MARCHF6: variants seen among roughly 807,000 people sequenced by gnomAD.
The protein encoded by MARCHF6 is E3 ubiquitin-protein ligase MARCHF6.
MARCHF6 carries 31 observed loss-of-function variants against 133.7 expected under a neutral mutation model. The observed-to-expected ratio is 0.23, with a 90% CI of 0.17 to 0.31. The LOEUF (loss-of-function observed/expected upper bound fraction) is 0.31, where lower values mean the gene tolerates loss of function less well. Ranked by LOEUF, MARCHF6 falls within the 10% of genes least tolerant of loss-of-function variation. MARCHF6 has a pLI of 1.00. For missense variants in MARCHF6, 723 were observed against 1,121.6 expected (o/e 0.64, Z 5.08); for synonymous variants, 395 against 402.5 (o/e 0.98, Z 0.22).
intron 21 of MARCHF6, among the ~76,000 whole-genome samples, chr5:10,416,641 G>A (rs1401615206): frequency 2.0e-5 from 3 of 152,148 alleles, no homozygotes; most frequent in Admixed American, 1.3e-4. Flanking sequence ...AAGTAAAAGA[G>A]AGGTCATGAG....
intron 3 of MARCHF6, among the ~76,000 whole-genome samples, chr5:10,380,401 GACTA>G (rs1052937504): frequency 1.3e-5 from 2 of 152,122 alleles, no homozygotes; most frequent in Non-Finnish European, 2.9e-5. Context: ...AGGAAACTAA[GACTA>G]ACTAGTTGAG....
intron 12 of MARCHF6, 74 bp from the exon 13 acceptor site, chr5:10,402,310 T>C: frequency 7.4e-7 from 1 of 1,354,704 alleles, no homozygotes; most frequent in South Asian, 1.2e-5. Context: ...CAAAAAATAC[T>C]AAATGTTGGC....
chr5:10,382,987 T>C (rs1052252881), intron 4 of MARCHF6, among the ~76,000 whole-genome samples: 6 of 152,116 alleles, frequency 3.9e-5, no homozygotes, highest in African/African-American at 1.4e-4. Flanking sequence ...GTTGTTCTTA[T>C]AGACATGGAG....
At position 10,434,408 on chromosome 5, in the gene MARCHF6, A is replaced by T. The variant is rs1031805242; in HGVS notation, c.*724A>T. On this transcript the variant is annotated 3_prime_UTR_variant, in exon 26 of 26. Coordinates refer to ENST00000274140, the MANE Select transcript of MARCHF6 (RefSeq NM_005885.4). ...TATTCCTAGTGTGATCAGCATTGGGAGTTGGGTTTCAGTGGGGCATGTCTA... is the reference window on the plus strand; with the variant it reads ...TATTCCTAGTGTGATCAGCATTGGGTGTTGGGTTTCAGTGGGGCATGTCTA... The T allele has an allele frequency of 1.3e-5, 2 of 152,590 alleles. No homozygotes were observed. Among genetic ancestry groups the T allele is most frequent in the Admixed American group, 6.5e-5 (1 of 15,276 alleles). The allele number at this position is 152,590 out of a possible 1,614,324, so 9.5% of individuals were successfully genotyped here.
chr5:10,428,319 C>A (rs991212293), intron 24 of MARCHF6, among the ~76,000 whole-genome samples: 1 of 150,294 alleles, frequency 6.7e-6, no homozygotes, highest in African/African-American at 2.5e-5. Flanking sequence ...TTTCAAAGCC[C>A]ATTGCTTTTT....
intron 1 of MARCHF6, among the ~76,000 whole-genome samples, chr5:10,371,336 A>G (rs560599791): frequency 3.7e-4 from 57 of 152,180 alleles, no homozygotes; most frequent in African/African-American, 1.3e-3. Context: ...TAGAGATGGT[A>G]GGTGTATTAG....
At chr5:10,387,729 G>A (rs919678292) in intron 5 of MARCHF6, among the ~76,000 whole-genome samples, 1 of 152,108 alleles carries the variant, frequency 6.6e-6, no homozygotes, top group Admixed American at 6.5e-5. Context: ...AGGGTGCAGT[G>A]GTGTGATCTC....
chr5:10,410,747 A>G (rs1166447486), intron 18 of MARCHF6, among the ~76,000 whole-genome samples: 1 of 152,126 alleles, frequency 6.6e-6, no homozygotes, highest in Non-Finnish European at 1.5e-5. Flanking sequence ...TCAGTTTGGC[A>G]TCTTGTAGGT....
chr5:10,398,886 A>G (rs975240772), intron 10 of MARCHF6, among the ~76,000 whole-genome samples: 1 of 152,276 alleles, frequency 6.6e-6, no homozygotes, highest in Non-Finnish European at 1.5e-5. Flanking sequence ...TTTTCTTTTA[A>G]TCATTGGGAT....
intron 25 of MARCHF6, among the ~76,000 whole-genome samples, chr5:10,432,900 T>C (rs1334458657): frequency 3.3e-5 from 4 of 122,446 alleles, no homozygotes; most frequent in Non-Finnish European, 4.8e-5. Flanking sequence ...CCCTTCCTAC[T>C]TTTTTTTTTT....
intron 1 of MARCHF6, among the ~76,000 whole-genome samples, chr5:10,362,598 C>T (rs1561095114): frequency 6.6e-6 from 1 of 152,240 alleles, no homozygotes. Context: ...ATAACGTTAT[C>T]TGGATTATTA....
Position 10,370,092 on chromosome 5 carries a change from ATTTTTTTTTT to A in MARCHF6, c.20-7689_20-7680del, listed in dbSNP as rs762064486. On this transcript the variant is annotated intron_variant, in intron 1 of 25. Coordinates refer to ENST00000274140, the MANE Select transcript of MARCHF6 (RefSeq NM_005885.4). ...ATAGGTATGGGAGTATCTTACTGTG[ATTTTTTTTTT>A]TTTTTTTTTTTTTTTTGAGACAGGA... Among the ~76,000 whole-genome samples the A allele has an allele frequency of 4.3e-4, 28 of 64,964 alleles. 1 individual carries two copies. Among genetic ancestry groups the A allele is most frequent in the East Asian group, 1.1e-3 (2 of 1,872 alleles). The allele number at this position is 64,964 out of a possible 152,430, so 42.6% of individuals were successfully genotyped here.
At chr5:10,370,008 A>G (rs1561102026) in intron 1 of MARCHF6, among the ~76,000 whole-genome samples, 2 of 149,546 alleles carry the variant, frequency 1.3e-5, no homozygotes, top group South Asian at 4.3e-4. Context: ...AATATATATT[A>G]GTAGGATTTC....
At chr5:10,386,398 C>A (rs1401336396) in intron 4 of MARCHF6, among the ~76,000 whole-genome samples, 1 of 152,212 alleles carries the variant, frequency 6.6e-6, no homozygotes, top group Non-Finnish European at 1.5e-5. Flanking sequence ...ATTCTGCTTT[C>A]CTGACTAAAA....
At position 10,391,692 on chromosome 5, in the gene MARCHF6, G is replaced by A; in HGVS notation, c.727G>A (p.Gly243Ser). The stretch of plus-strand genomic sequence containing the variant: ...GGACAATGAGGAGGAAGATGACGCT[G>A]GTGTGGAGGATGCGGCAGATGCTAA... The part of the protein sequence containing the change: ...EEDNEEEDDA[G>S]VEDAADANNG... The change falls in exon 7 of 26, where the codon GGT becomes AGT. Residue 243 changes from glycine (G) to serine (S), a missense_variant. By Grantham distance (56) the Gly-to-Ser change is moderately conservative (BLOSUM62 0). Transcript: ENST00000274140. 1 of 1,598,494 alleles carries A rather than the reference G, an allele frequency of 6.3e-7. No homozygotes were observed. Among genetic ancestry groups the A allele is most frequent in the Non-Finnish European group, 8.5e-7 (1 of 1,172,112 alleles).
intron 9 of MARCHF6, 28 bp from the exon 10 acceptor site, chr5:10,397,265 A>G (rs776722265): frequency 4.7e-6 from 7 of 1,499,136 alleles, no homozygotes; most frequent in Non-Finnish European, 5.4e-6. Flanking sequence ...TGAATTGAAT[A>G]TGCTTTATTG....
chr5:10,369,366 A>G (rs891139217), intron 1 of MARCHF6, among the ~76,000 whole-genome samples: 6 of 152,122 alleles, frequency 3.9e-5, no homozygotes, highest in Admixed American at 6.5e-5. Context: ...TCAATCTACA[A>G]TTTCATTAGA....
Position 10,378,804 on chromosome 5 carries a change from A to G in MARCHF6, c.162A>G (p.Leu54=). The G allele has an allele frequency of 6.2e-7, 1 of 1,610,366 alleles. No homozygotes were observed. Among genetic ancestry groups the G allele is most frequent in the Non-Finnish European group, 8.5e-7 (1 of 1,177,974 alleles). ...LKHSRKEYCE[L]CKHRFAFTPI... ...ACAGTCGAAAAGAATACTGTGAATT[A>G]TGCAAGCACAGATTTGCTTTTACAC... The change falls in exon 3 of 26, where the codon TTA becomes TTG. Residue 54 remains leucine, a synonymous_variant. Coordinates refer to ENST00000274140, the MANE Select transcript of MARCHF6 (RefSeq NM_005885.4).
chr5:10,391,613 A>G lies in MARCHF6; in HGVS notation c.648A>G (p.Ala216=). The change falls in exon 7 of 26, where the codon GCA becomes GCG. Residue 216 remains alanine (A), a synonymous_variant. Coordinates refer to ENST00000274140, the MANE Select transcript of MARCHF6 (RefSeq NM_005885.4). ...CTGCTAACCCACCAGCTGAGAACGC[A>G]GTGGTGGGGGAAAACCCTGATGCCC... ...DQPANPPAEN[A]VVGENPDAQD... 1 of 1,612,898 alleles carries G rather than the reference A, an allele frequency of 6.2e-7. No individual in the cohort carries two copies. The highest frequency in any genetic ancestry group is 1.1e-5 in the South Asian group (1 of 91,008).
Sources: gnomAD v4.1 joint callset for allele counts (sites outside exome capture counted in the v4.1 genomes callset) on GRCh38, gnomAD v4.1.1 for gene constraint, MANE v1.5 for transcripts, NCBI Gene and HGNC (gene_info 2026-07-23, HGNC 2026-07-21) for gene names.